MOB1A: variants seen among roughly 807,000 people sequenced by gnomAD.
MOB1A encodes MOB1 Mps One Binder homolog A.
A neutral mutation model predicts 25.1 loss-of-function variants in MOB1A; 10 were observed. That is an observed-to-expected ratio of 0.40 (90% confidence interval 0.25 to 0.68). The LOEUF (loss-of-function observed/expected upper bound fraction) is 0.68, where lower values mean the gene tolerates loss of function less well. Ranked by LOEUF, MOB1A falls within the 30% of genes least tolerant of loss-of-function variation. MOB1A has a pLI of 0.40. For synonymous variants in MOB1A, 81 were observed against 79.5 expected (o/e 1.02, Z -0.10); for missense variants, 177 against 256.3 (o/e 0.69, Z 2.11).
At chr2:74,171,595 T>C (rs1693295198) in intron 2 of MOB1A, among the ~76,000 whole-genome samples, 1 of 152,148 alleles carries the variant, frequency 6.6e-6, no homozygotes, top group Non-Finnish European at 1.5e-5. Context: ...TTTTATATGT[T>C]TGAAATTTTC....
intron 1 of MOB1A, among the ~76,000 whole-genome samples, chr2:74,175,866 G>A (rs1388619621): frequency 6.6e-6 from 1 of 152,074 alleles, no homozygotes; most frequent in Non-Finnish European, 1.5e-5. Context: ...ATCAAAACTG[G>A]TGATTACTTC....
At chr2:74,159,009 A>G in intron 5 of MOB1A, 82 bp downstream of exon 5, 3 of 1,395,184 alleles carry the variant, frequency 2.2e-6, no homozygotes, top group Non-Finnish European at 3.0e-6. Context: ...ATCTATAACT[A>G]AGACACACAG....
At position 74,156,359 on chromosome 2, in the gene MOB1A, G is replaced by A. The variant is rs1692805708; in HGVS notation, c.*209C>T. On this transcript the variant is annotated 3_prime_UTR_variant, in exon 6 of 6. Coordinates refer to ENST00000396049, the MANE Select transcript of MOB1A (RefSeq NM_018221.5). Reference sequence around the variant, plus strand: ...TGATAACAACAAGAGTGGTCACACAGTACTTAAGATTTGGCTGTGTCCTTA... The same window carrying A: ...TGATAACAACAAGAGTGGTCACACAATACTTAAGATTTGGCTGTGTCCTTA... 1 of 563,406 alleles carries A rather than the reference G, an allele frequency of 1.8e-6. No individual in the cohort carries two copies. The highest frequency in any genetic ancestry group is 1.9e-5 in the African/African-American group (1 of 52,514). The allele number at this position is 563,406 out of a possible 1,614,324, so 34.9% of individuals were successfully genotyped here.
At chr2:74,157,644 T>C (rs1041901279) in intron 5 of MOB1A, among the ~76,000 whole-genome samples, 5 of 152,218 alleles carry the variant, frequency 3.3e-5, no homozygotes, top group South Asian at 2.1e-4. Context: ...AATCAAATTA[T>C]AGGACATTCA....
chr2:74,169,787 C>A (rs993175515), intron 2 of MOB1A, among the ~76,000 whole-genome samples: 1 of 151,918 alleles, frequency 6.6e-6, no homozygotes, highest in Non-Finnish European at 1.5e-5. Flanking sequence ...TGCCACCACA[C>A]CCAGCAAATT....
At chr2:74,173,679 G>A (rs1254746417) in intron 1 of MOB1A, among the ~76,000 whole-genome samples, 3 of 150,936 alleles carry the variant, frequency 2.0e-5, no homozygotes, top group Non-Finnish European at 4.4e-5. Context: ...TGCCGGGCGC[G>A]GTGGCTCACG....
chr2:74,165,929 C>T (rs1242788782), intron 3 of MOB1A, among the ~76,000 whole-genome samples: 4 of 152,032 alleles, frequency 2.6e-5, no homozygotes, highest in Non-Finnish European at 5.9e-5. Context: ...AATAATAAAA[C>T]TTAACACAAT....
intron 5 of MOB1A, among the ~76,000 whole-genome samples, chr2:74,158,523 C>T (rs774733413): frequency 1.3e-5 from 2 of 152,072 alleles, no homozygotes; most frequent in Non-Finnish European, 1.5e-5. Context: ...GGTGCTGTGG[C>T]TCAGGCCTGT....
intron 5 of MOB1A, among the ~76,000 whole-genome samples, chr2:74,158,075 G>A (rs192232978): frequency 5.9e-4 from 90 of 151,534 alleles, no homozygotes; most frequent in Middle Eastern, 3.4e-3. Context: ...AGCTACTGAG[G>A]AGGCTGAGGC....
chr2:74,173,415 C>CT (rs1693355846), intron 1 of MOB1A, among the ~76,000 whole-genome samples: 1 of 123,686 alleles, frequency 8.1e-6, no homozygotes, highest in African/African-American at 3.0e-5. Context: ...TAGTCTTACT[C>CT]TGTCACCCAG....
At position 74,156,025 on chromosome 2, in the gene MOB1A, AT is replaced by A. The variant is rs1276413658; in HGVS notation, c.*542del. On this transcript the variant is annotated 3_prime_UTR_variant, in exon 6 of 6. Coordinates refer to ENST00000396049, the MANE Select transcript of MOB1A (RefSeq NM_018221.5). The stretch of plus-strand genomic sequence containing the variant: ...GTATCTTATCTATAAAAACACTACC[AT>A]ACAAACTTGAAACTAAAATGTTATC... 2 of 152,760 alleles carry A rather than the reference AT, an allele frequency of 1.3e-5. No homozygotes were observed. The highest frequency in any genetic ancestry group is 1.5e-5 in the Non-Finnish European group (1 of 68,094). 9.5% of individuals were successfully genotyped at this position (152,760 alleles called of 1,614,324 possible). A position where few individuals can be genotyped will look rare whatever the true frequency, so the allele number is the denominator to read the frequency against.
At chr2:74,158,377 T>G (rs1489029634) in intron 5 of MOB1A, among the ~76,000 whole-genome samples, 2 of 152,224 alleles carry the variant, frequency 1.3e-5, no homozygotes, top group South Asian at 2.1e-4. Context: ...ATAAAATATC[T>G]AGACAGACAT....
At chr2:74,160,579 T>C (rs1692938929) in intron 4 of MOB1A, among the ~76,000 whole-genome samples, 1 of 151,938 alleles carries the variant, frequency 6.6e-6, no homozygotes, top group Non-Finnish European at 1.5e-5. Context: ...CAGGCAACTG[T>C]AATCCCAGCT....
In MOB1A at chr2:74,175,123, T is replaced by C. The variant is rs1353302197; in HGVS notation, c.15-2371A>G. Among the ~76,000 whole-genome samples, 18 of 152,178 alleles carry C rather than the reference T, an allele frequency of 1.2e-4. No homozygotes were observed. In the East Asian group the frequency reaches 3.5e-3, roughly 29 times the overall value. The stretch of plus-strand genomic sequence containing the variant: ...CCTCTTGTCATATCAGCAGAGGCAT[T>C]AGGTTCTCACAGGAGCGTGAACACT... On this transcript the variant is annotated intron_variant, in intron 1 of 5. Transcript: ENST00000396049.
chr2:74,165,021 A>AT (rs1693087470), intron 4 of MOB1A, 197 bp downstream of exon 4: 1 of 327,822 alleles, frequency 3.1e-6, no homozygotes, highest in South Asian at 9.8e-5. Context: ...CAGATTTATC[A>AT]TTCAAAAAGA....
In MOB1A at chr2:74,153,489, T is replaced by C. The variant is rs1161954181; in HGVS notation, c.*3079A>G. 2.0e-5 allele frequency: 3 copies of C among 152,232 alleles called. No homozygotes were observed. The highest frequency in any genetic ancestry group is 7.2e-5 in the African/African-American group (3 of 41,462). The allele number at this position is 152,232 out of a possible 1,614,324, so 9.4% of individuals were successfully genotyped here. On this transcript the variant is annotated 3_prime_UTR_variant, in exon 6 of 6. Transcript: ENST00000396049. ...TGCATTTCTCATGTAAGCAGCTATATAAGCTAGGGTTCTACAAGCCTTAGA... is the reference window on the plus strand; with the variant it reads ...TGCATTTCTCATGTAAGCAGCTATACAAGCTAGGGTTCTACAAGCCTTAGA...
At chr2:74,161,247 T>G (rs1183060111) in intron 4 of MOB1A, among the ~76,000 whole-genome samples, 2 of 152,154 alleles carry the variant, frequency 1.3e-5, no homozygotes, top group Admixed American at 6.5e-5. Context: ...TTGTGGTTAT[T>G]CTCCACCACC....
Position 74,156,275 on chromosome 2 carries a change from A to G in MOB1A, c.*293T>C. Reference sequence around the variant, plus strand: ...GACTGAGTAAATGAGTAAAAGAATAATAAGTAAATTTATAAGCTACAGGTT... The same window carrying G: ...GACTGAGTAAATGAGTAAAAGAATAGTAAGTAAATTTATAAGCTACAGGTT... On this transcript the variant is annotated 3_prime_UTR_variant, in exon 6 of 6. Coordinates refer to ENST00000396049, the MANE Select transcript of MOB1A (RefSeq NM_018221.5). 3.8e-6 allele frequency: 1 copy of G among 261,614 alleles called. No homozygotes were observed. The allele number at this position is 261,614 out of a possible 1,614,324, so 16.2% of individuals were successfully genotyped here.
rs1157002238 is a variant in MOB1A, at chr2:74,153,376, T to G, written c.*3192A>C. On this transcript the variant is annotated 3_prime_UTR_variant, in exon 6 of 6. Coordinates refer to ENST00000396049, the MANE Select transcript of MOB1A (RefSeq NM_018221.5). ...CAGGAAACCACAATATTGACAAAAC[T>G]TAGTACTACCACCAAGATTGTTCCT... 6.6e-6 allele frequency: 1 copy of G among 152,320 alleles called. No homozygotes were observed. The highest frequency in any genetic ancestry group is 1.9e-4 in the East Asian group (1 of 5,188). 9.4% of individuals were successfully genotyped at this position (152,320 alleles called of 1,614,324 possible). A position where few individuals can be genotyped will look rare whatever the true frequency, so the allele number is the denominator to read the frequency against.
Sources: allele counts gnomAD v4.1 joint callset (sites outside exome capture counted in the v4.1 genomes callset), GRCh38; gene constraint gnomAD v4.1.1; transcripts MANE v1.5; gene names NCBI Gene and HGNC (gene_info 2026-07-23, HGNC 2026-07-21).